The following SEC16B variants were observed in gnomAD, a reference collection of about 807,000 sequenced individuals.
SEC16B encodes the protein SEC16 homolog B, endoplasmic reticulum export factor.
In SEC16B, 115 loss-of-function variants were observed where a neutral mutation model predicts 141.8. That is an observed-to-expected ratio of 0.81 (90% CI 0.70 to 0.95). SEC16B has a LOEUF of 0.95. Among genes scored for constraint, SEC16B ranks in the 40% least tolerant of loss-of-function variants. The probability of loss-of-function intolerance (pLI) is 0.00; values close to 1 mark genes in which losing one functional copy is unlikely to be tolerated. For missense variants in SEC16B, 1,291 were observed against 1,312.3 expected (o/e 0.98, Z 0.25); for synonymous variants, 493 against 492.5 (o/e 1.00, Z -0.01).
chr1:177,938,939 C>A (rs1651067586), intron 18 of SEC16B, among the ~76,000 whole-genome samples: 1 of 152,228 alleles, frequency 6.6e-6, no homozygotes, highest in Non-Finnish European at 1.5e-5. Context: ...GGGTGGCCAA[C>A]CCGCCTGCTC....
At chr1:177,959,132 A>G (rs1652872318) in intron 8 of SEC16B, 157 bp from the exon 9 acceptor site, 1 of 759,612 alleles carries the variant, frequency 1.3e-6, no homozygotes, top group Non-Finnish European at 2.3e-6. Flanking sequence ...TAGCTATAGG[A>G]TAGTTATTTT....
intron 20 of SEC16B, among the ~76,000 whole-genome samples, 172 bp downstream of exon 20, chr1:177,936,126 C>G (rs1650819145): frequency 6.6e-6 from 1 of 152,142 alleles, no homozygotes; most frequent in African/African-American, 2.4e-5. Flanking sequence ...AAGAACACAG[C>G]CTCCCGCCCA....
At chr1:177,935,603 C>A (rs1188112589) in intron 20 of SEC16B, among the ~76,000 whole-genome samples, 2 of 150,790 alleles carry the variant, frequency 1.3e-5, no homozygotes, top group Non-Finnish European at 2.9e-5. Context: ...ATATTTGATT[C>A]TTTATATGAT....
At chr1:177,933,399 G>A in intron 21 of SEC16B, 85 bp downstream of exon 21, 1 of 1,563,558 alleles carries the variant, frequency 6.4e-7, no homozygotes, top group Non-Finnish European at 8.7e-7. Flanking sequence ...AACCATCAGA[G>A]CCCAGACTTC....
At chr1:177,960,746 G>T in intron 7 of SEC16B, 45 bp downstream of exon 7, 1 of 1,554,900 alleles carries the variant, frequency 6.4e-7, no homozygotes, top group Non-Finnish European at 8.7e-7. Context: ...GGAGTAGTTG[G>T]GTAAGCAGTG....
chr1:177,936,351 A>G lies in SEC16B; in HGVS notation c.2518T>C (p.Ser840Pro). The G allele has an allele frequency of 6.2e-7, 1 of 1,610,018 alleles. No homozygotes were observed. Among genetic ancestry groups the G allele is most frequent in the Non-Finnish European group, 8.5e-7 (1 of 1,178,194 alleles). The part of the protein sequence containing the change: ...THLGPGENTV[S>P]QETSQPPDGQ... ...TCAGGAGGCTGGGAAGTTTCTTGAG[A>G]CACTGTGTTCTCTCCTGCATCACAA... The change falls in exon 20 of 26, where the codon TCT (serine) becomes CCT (proline). Residue 840 changes from serine (S) to proline (P), a missense_variant. By Grantham distance (74) the Ser-to-Pro change is moderately conservative. Around this residue, in one of 3 missense-constraint regions of SEC16B, gnomAD observed 605 missense variants for 614.1 expected, o/e 0.99. Transcript: ENST00000308284.
intron 6 of SEC16B, 58 bp downstream of exon 6, chr1:177,961,532 G>A (rs1482681580): frequency 2.4e-5 from 37 of 1,544,680 alleles, no homozygotes; most frequent in Non-Finnish European, 2.8e-5. Context: ...CCAGAGACTT[G>A]CCACCCAGCC....
rs1259998252 is a variant in SEC16B, at chr1:177,968,021, G to C, written c.-40C>G. ...ATTTGTCCTGGGTTTTGAGTAAGTT[G>C]TGCAGTTATTTTATCTTCCTGCAGA... On this transcript the variant is annotated 5_prime_UTR_variant, in exon 2 of 26. Coordinates refer to ENST00000308284, the MANE Select transcript of SEC16B (RefSeq NM_033127.4). 4.6e-6 allele frequency: 7 copies of C among 1,537,350 alleles called. No homozygotes were observed. Among genetic ancestry groups the C allele is most frequent in the Non-Finnish European group, 6.1e-6 (7 of 1,138,406 alleles).
chr1:177,935,035 GGA>G (rs2101903330), intron 20 of SEC16B, among the ~76,000 whole-genome samples: 1 of 151,846 alleles, frequency 6.6e-6, no homozygotes, highest in East Asian at 1.9e-4. Context: ...CTACACCAAG[GGA>G]GCCACTGCAG....
Position 177,939,738 on chromosome 1 carries a change from G to A in SEC16B, c.2167C>T (p.Arg723Cys), listed in dbSNP as rs767106935. 6 of 1,596,046 alleles carry A rather than the reference G, an allele frequency of 3.8e-6. No individual in the cohort carries two copies. Among genetic ancestry groups the A allele is most frequent in the South Asian group, 2.3e-5 (2 of 87,530 alleles). Reference sequence around the variant, plus strand: ...CCTCCGGCTCCCGAAATATCTGAGCGAGTAGGATGAGGATCCCCAATGTCT... The same window carrying A: ...CCTCCGGCTCCCGAAATATCTGAGCAAGTAGGATGAGGATCCCCAATGTCT... ...AGDIGDPHPT[R>C]SDISGAGGTT... The change falls in exon 18 of 26, where the codon CGC becomes TGC. Residue 723 changes from arginine (R) to cysteine (C), a missense_variant. Coordinates refer to ENST00000308284, the MANE Select transcript of SEC16B (RefSeq NM_033127.4).
At chr1:177,938,441 C>A (rs1235434861) in intron 18 of SEC16B, among the ~76,000 whole-genome samples, 1 of 152,210 alleles carries the variant, frequency 6.6e-6, no homozygotes, top group Admixed American at 6.5e-5. Flanking sequence ...AGTCACAGCT[C>A]CTCCTATAAC....
rs758026559 is a variant in SEC16B at position 177,932,808 on chromosome 1, T to G, written c.2824-2A>C. 6.2e-7 allele frequency: 1 copy of G among 1,608,154 alleles called. No homozygotes were observed. The highest frequency in any genetic ancestry group is 8.5e-7 in the Non-Finnish European group (1 of 1,177,464). ...GGGAGAAGATGCTCTGGGGGTCTCC[T>G]GCTTTGTGGAGAAAGAAAGGCAGCA... On this transcript the variant is annotated splice_acceptor_variant, in intron 22 of 25. Coordinates refer to ENST00000308284, the MANE Select transcript of SEC16B (RefSeq NM_033127.4). LOFTEE classifies it high-confidence loss of function.
chr1:177,969,099 T>G lies in SEC16B; in HGVS notation c.-59+785A>C, dbSNP rs57728699. On this transcript the variant is annotated intron_variant, in intron 1 of 25. Transcript: ENST00000308284. ...CATCCACAGGCTAGGTCGGCCTCGA[T>G]TTTTTTCTTCCTTAGGAACTGTTTT... Among the ~76,000 whole-genome samples the G allele has an allele frequency of 8.2e-3, 1,248 of 152,288 alleles. 21 individuals are homozygous for G. Among genetic ancestry groups the G allele is most frequent in the African/African-American group, 0.026 (1,067 of 41,558 alleles).
rs769005274 is a variant in SEC16B at position 177,961,716 on chromosome 1, A to T, written c.661T>A (p.Ser221Thr). 16 of 1,613,672 alleles carry T rather than the reference A, an allele frequency of 9.9e-6. No individual in the cohort carries two copies. The highest frequency in any genetic ancestry group is 1.3e-5 in the African/African-American group (1 of 74,928). ...GACTCACGCTGCTGGAGAAGGTTGG[A>T]CTCACTAGCCAATGATGGCTGAAAG... is the stretch of plus-strand genomic sequence containing the variant. ...QKNKPSLASE[S>T]NLLQQRESGL... is the part of the protein sequence containing the mutation. Residue 221 changes from serine to threonine, a missense_variant, in exon 6 of 26, where the codon TCC becomes ACC. Physicochemically the swap from Ser to Thr is moderately conservative, Grantham distance 58 (BLOSUM62 1). Transcript: ENST00000308284.
intron 15 of SEC16B, among the ~76,000 whole-genome samples, chr1:177,943,171 G>T (rs1331448600): frequency 6.6e-6 from 1 of 152,148 alleles, no homozygotes. Flanking sequence ...TGACAGGTGG[G>T]ATGAATAAAG....
chr1:177,961,289 T>A, intron 6 of SEC16B: 1 of 450,786 alleles, frequency 2.2e-6, no homozygotes. Flanking sequence ...CTTTGCATCT[T>A]GCTTTTGCTT....
intron 1 of SEC16B, among the ~76,000 whole-genome samples, chr1:177,969,184 C>G (rs1653783295): frequency 6.6e-6 from 1 of 152,142 alleles, no homozygotes; most frequent in African/African-American, 2.4e-5. Flanking sequence ...GTCCCAGCCT[C>G]ATATAAAAAT....
chr1:177,937,421 A>G lies in SEC16B; in HGVS notation c.2296T>C (p.Cys766Arg), dbSNP rs1172654988. 1 of 1,607,950 alleles carries G rather than the reference A, an allele frequency of 6.2e-7. No individual in the cohort carries two copies. The highest frequency in any genetic ancestry group is 1.3e-5 in the African/African-American group (1 of 74,806). The change falls in exon 19 of 26, where the codon TGC becomes CGC. Residue 766 changes from cysteine (C) to arginine (R), a missense_variant. Cys to Arg is a radical substitution (Grantham distance 180). Around this residue, in one of 3 missense-constraint regions of SEC16B, gnomAD observed 605 missense variants for 614.1 expected, o/e 0.99. Coordinates refer to ENST00000308284, the MANE Select transcript of SEC16B (RefSeq NM_033127.4). Reference sequence around the variant, plus strand: ...TGCTGTGGGCTGGGCTGGAGCAGGCAGGTCTGCTCAGGTGTCAGCCACAGA... The same window carrying G: ...TGCTGTGGGCTGGGCTGGAGCAGGCGGGTCTGCTCAGGTGTCAGCCACAGA... ...SALWLTPEQTCLLQPSPQQPF... is the reference protein window; with the variant it reads ...SALWLTPEQTRLLQPSPQQPF...
At chr1:177,956,423 G>T (rs996623333) in intron 10 of SEC16B, among the ~76,000 whole-genome samples, 7 of 152,026 alleles carry the variant, frequency 4.6e-5, no homozygotes, top group Non-Finnish European at 1.5e-5. Flanking sequence ...TACAGAAATG[G>T]TATACAGCAT....
Sources: allele counts gnomAD v4.1 joint callset (sites outside exome capture counted in the v4.1 genomes callset), GRCh38; gene constraint gnomAD v4.1.1; regional missense constraint gnomAD v4.1.1; transcripts MANE v1.5; gene names NCBI Gene and HGNC (gene_info 2026-07-23, HGNC 2026-07-21).